FNDC1: variants seen among roughly 807,000 people sequenced by gnomAD.
The protein encoded by FNDC1 is fibronectin type III domain-containing protein 1.
FNDC1 carries 96 observed loss-of-function variants against 168.0 expected under a neutral mutation model. That is an observed-to-expected ratio of 0.57 (90% CI 0.48 to 0.68). The LOEUF (loss-of-function observed/expected upper bound fraction) is 0.68. FNDC1 is among the 30% of genes least tolerant of loss of function. FNDC1 has a pLI of 0.00. For synonymous variants in FNDC1, 1,099 were observed against 1,025.9 expected, an observed-to-expected ratio of 1.07 and a Z score of -1.36; for missense variants, 2,587 against 2,482.1, an observed-to-expected ratio of 1.04 and a Z score of -0.90.
At chr6:159,211,271 A>G (rs1165990728) in intron 4 of FNDC1, among the ~76,000 whole-genome samples, 4 of 152,140 alleles carry the variant, frequency 2.6e-5, no homozygotes, top group Non-Finnish European at 5.9e-5. Flanking sequence ...AACCAGACAA[A>G]TTGCGGCTCT....
At chr6:159,202,408 C>A (rs757571410) in intron 4 of FNDC1, among the ~76,000 whole-genome samples, 1 of 152,080 alleles carries the variant, frequency 6.6e-6, no homozygotes, top group Non-Finnish European at 1.5e-5. Context: ...GCTATTATTC[C>A]GAGAAATTGT....
chr6:159,208,924 C>T (rs140711740), intron 4 of FNDC1, among the ~76,000 whole-genome samples: 5,485 of 148,592 alleles, frequency 0.037, 367 homozygotes, highest in African/African-American at 0.13. Flanking sequence ...CTTGGCTCAC[C>T]GCAACCTCTG....
At chr6:159,259,359 A>C (rs1005904018) in intron 18 of FNDC1, among the ~76,000 whole-genome samples, 5 of 152,160 alleles carry the variant, frequency 3.3e-5, no homozygotes, top group Non-Finnish European at 7.4e-5. Flanking sequence ...GAGTTTCTGG[A>C]GGCCTAGAAT....
chr6:159,193,526 G>A (rs1782181912), intron 1 of FNDC1, among the ~76,000 whole-genome samples: 1 of 152,116 alleles, frequency 6.6e-6, no homozygotes, highest in African/African-American at 2.4e-5. Context: ...GAGGTATGGT[G>A]CCCCATCTAC....
At chr6:159,267,087 G>A (rs935999553) in intron 21 of FNDC1, among the ~76,000 whole-genome samples, 1 of 151,784 alleles carries the variant, frequency 6.6e-6, no homozygotes, top group Non-Finnish European at 1.5e-5. Context: ...ATATATTTTG[G>A]GCATTTTTTG....
rs2115015582 is a variant in FNDC1, at chr6:159,251,504, C to T, written c.5037C>T (p.Asp1679=). ...GCHSFVIVDW[D]KATPGDVVTG... ...ACTCATTTGTCATTGTGGACTGGGACAAAGCCACCCCAGGAGATGTGGTCA... is the reference window on the plus strand; with the variant it reads ...ACTCATTTGTCATTGTGGACTGGGATAAAGCCACCCCAGGAGATGTGGTCA... The change falls in exon 17 of 23, where the codon GAC becomes GAT. Residue 1679 remains aspartate, a synonymous_variant. Transcript: ENST00000297267. The T allele has an allele frequency of 6.2e-7, 1 of 1,613,792 alleles. No homozygotes were observed. The highest frequency in any genetic ancestry group is 8.5e-7 in the Non-Finnish European group (1 of 1,179,834).
chr6:159,190,728 A>G (rs1782118265), intron 1 of FNDC1, among the ~76,000 whole-genome samples: 1 of 152,202 alleles, frequency 6.6e-6, no homozygotes, highest in Non-Finnish European at 1.5e-5. Context: ...TTTGAACTCA[A>G]ATGTTCATCA....
Position 159,191,823 on chromosome 6 carries a change from G to A in FNDC1, c.110-5608G>A, listed in dbSNP as rs144575875. ...AATGGAGCATATTCAAGGGAATTAT[G>A]CCTGATAGAAGATGATTTTATTCTT... is the stretch of plus-strand genomic sequence containing the variant. On this transcript the variant is annotated intron_variant, in intron 1 of 22. Coordinates refer to ENST00000297267, the MANE Select transcript of FNDC1 (RefSeq NM_032532.3). Among the ~76,000 whole-genome samples the A allele has an allele frequency of 1.4e-3, 210 of 152,300 alleles. 7 individuals are homozygous for A. In the South Asian group the frequency reaches 0.03, roughly 22 times the overall value.
rs530881795 is a variant in FNDC1 at position 159,267,935 on chromosome 6, A to G, written c.5569+9A>G. 50 of 1,605,024 alleles carry G rather than the reference A, an allele frequency of 3.1e-5. No individual in the cohort carries two copies. Among genetic ancestry groups the G allele is most frequent in the Admixed American group, 5.1e-5 (3 of 58,772 alleles). On this transcript the variant is annotated intron_variant, in intron 22 of 22. Coordinates refer to ENST00000297267, the MANE Select transcript of FNDC1 (RefSeq NM_032532.3). ...CCTCCCTACTATTCAAGGTAATACA[A>G]ACAAATGCCTGATATATTATCCTAG...
At chr6:159,255,222 C>T (rs1378917194) in intron 17 of FNDC1, among the ~76,000 whole-genome samples, 2 of 152,246 alleles carry the variant, frequency 1.3e-5, no homozygotes, top group Admixed American at 6.5e-5. Context: ...CAGCTCATGC[C>T]ACCCATTCCT....
At chr6:159,183,988 G>C (rs911087441) in intron 1 of FNDC1, among the ~76,000 whole-genome samples, 1 of 152,208 alleles carries the variant, frequency 6.6e-6, no homozygotes, top group Non-Finnish European at 1.5e-5. Flanking sequence ...TTACAGCTGA[G>C]AGGGAACAAA....
At chr6:159,217,938 T>C (rs1434285959) in intron 5 of FNDC1, among the ~76,000 whole-genome samples, 1 of 152,092 alleles carries the variant, frequency 6.6e-6, no homozygotes, top group Non-Finnish European at 1.5e-5. Flanking sequence ...GAGTAATTTG[T>C]ATACCCTTCA....
rs151137756 is a variant in FNDC1, at chr6:159,233,931, G to T, written c.3419G>T (p.Arg1140Leu). ...GCGGCCTCCCCCGCCAGGCCCAGCC[G>T]ACCCGGCGGCCCCCAGTCCCGCGCC... ...GHAASPARPS[R>L]PGGPQSRARV... Residue 1140 changes from arginine (R) to leucine (L), a missense_variant, in exon 11 of 23, where the codon CGA (arginine) becomes CTA (leucine). Physicochemically the swap from Arg to Leu is moderately radical, Grantham distance 102. Transcript: ENST00000297267. This position sits in a 1 kb window ranked among gnomAD's most constrained non-coding sequence, Gnocchi z 4.6. The T allele has an allele frequency of 7.0e-3, 10,838 of 1,554,500 alleles. 55 individuals carry two copies. Among genetic ancestry groups the T allele is most frequent in the Middle Eastern group, 8.4e-3 (50 of 5,922 alleles).
At chr6:159,268,023 A>G in intron 22 of FNDC1, 97 bp downstream of exon 22, 2 of 1,295,412 alleles carry the variant, frequency 1.5e-6, no homozygotes, top group Non-Finnish European at 1.1e-6. Context: ...TTGCCTTGTC[A>G]TTCGAAGATG....
chr6:159,182,277 C>T (rs1781897395), intron 1 of FNDC1, among the ~76,000 whole-genome samples: 1 of 152,138 alleles, frequency 6.6e-6, no homozygotes, highest in South Asian at 2.1e-4. Context: ...CCGTGGGGTC[C>T]ACTGGCACTC....
chr6:159,270,399 C>A (rs570107565), intron 22 of FNDC1, among the ~76,000 whole-genome samples: 1 of 152,188 alleles, frequency 6.6e-6, no homozygotes, highest in Non-Finnish European at 1.5e-5. Context: ...TTAACTATTA[C>A]AACAAATCTA....
Position 159,267,793 on chromosome 6 carries a change from C to T in FNDC1, c.5447-11C>T. 6.2e-7 allele frequency: 1 copy of T among 1,613,606 alleles called. No homozygotes were observed. The highest frequency in any genetic ancestry group is 8.5e-7 in the Non-Finnish European group (1 of 1,179,754). ...TACCTAGTCATGGACTCAATCAATT[C>T]CTTCATGCAGATACATTCTACAGCA... On this transcript the variant is annotated splice_polypyrimidine_tract_variant and intron_variant, in intron 21 of 22. Transcript: ENST00000297267.
intron 1 of FNDC1, among the ~76,000 whole-genome samples, chr6:159,194,545 T>A (rs1782204526): frequency 6.6e-6 from 1 of 152,178 alleles, no homozygotes; most frequent in African/African-American, 2.4e-5. Flanking sequence ...GCTATCAGAG[T>A]GCTGATTCCA....
At chr6:159,250,676 T>G (rs1022516326) in intron 16 of FNDC1, among the ~76,000 whole-genome samples, 1 of 152,204 alleles carries the variant, frequency 6.6e-6, no homozygotes, top group Non-Finnish European at 1.5e-5. Context: ...CCCAGGACCA[T>G]GTATCCCCTG....
Sources: gnomAD v4.1 joint callset for allele counts (sites outside exome capture counted in the v4.1 genomes callset) on GRCh38, gnomAD v4.1.1 for gene constraint, Gnocchi (gnomAD v3.1) non-coding constraint, MANE v1.5 for transcripts, NCBI Gene and HGNC (gene_info 2026-07-23, HGNC 2026-07-21) for gene names.